The following HNRNPU variants were observed in gnomAD, a reference collection of about 807,000 sequenced individuals.
HNRNPU encodes the protein HNRNPU antisense RNA 1.
In HNRNPU, 5 loss-of-function variants were observed where a neutral mutation model predicts 94.7. The observed-to-expected ratio is 0.05, with a 90% confidence interval of 0.03 to 0.11. The LOEUF (loss-of-function observed/expected upper bound fraction) is 0.11. Among genes scored for constraint, HNRNPU ranks in the 10% least tolerant of loss-of-function variants. The pLI, the probability that HNRNPU is intolerant of heterozygous loss-of-function variation, is 1.00. For synonymous variants in HNRNPU, 434 were observed against 381.6 expected (o/e 1.14, Z -1.60); for missense variants, 710 against 1,049.2 (o/e 0.68, Z 4.47).
chr1:244,857,714 C>T lies in HNRNPU; in HGVS notation c.1498G>A (p.Val500Met). ...GPEEKKDCEV[V>M]MMIGLPGAGK... ...GCTCCTGGCAAGCCAATCATCATCA[C>T]AACCTAGTGAAAAGAAAAGAAATGT... Residue 500 changes from valine to methionine, a missense_variant, in exon 8 of 14, where the codon GTG (valine) becomes ATG (methionine). Coordinates refer to ENST00000640218, the MANE Select transcript of HNRNPU (RefSeq NM_031844.3). 2 of 1,612,884 alleles carry T rather than the reference C, an allele frequency of 1.2e-6. No individual in the cohort carries two copies. The highest frequency in any genetic ancestry group is 1.7e-6 in the Non-Finnish European group (2 of 1,179,638).
In HNRNPU at chr1:244,857,097, C is replaced by G. The variant is rs538115219; in HGVS notation, c.1615-241G>C. ...AAAACACTACGGAAAAAAACAGAAG[C>G]CTAGCCAGTGGAAGGCAGTTTACCC... On this transcript the variant is annotated intron_variant, in intron 8 of 13. Coordinates refer to ENST00000640218, the MANE Select transcript of HNRNPU (RefSeq NM_031844.3). The G allele has an allele frequency of 3.5e-4, 132 of 371,946 alleles. 1 individual carries two copies. The highest frequency in any genetic ancestry group is 2.5e-3 in the African/African-American group (118 of 47,434). 23.0% of individuals were successfully genotyped at this position (371,946 alleles called of 1,614,324 possible).
At position 244,855,615 on chromosome 1, in the gene HNRNPU, G is replaced by A. The variant is rs1283233224; in HGVS notation, c.2168-7C>T. On this transcript the variant is annotated splice_region_variant and splice_polypyrimidine_tract_variant and intron_variant, in intron 11 of 13. Coordinates refer to ENST00000640218, the MANE Select transcript of HNRNPU (RefSeq NM_031844.3). ...CCGCCACGATTCCCAGGGGCTAAAAGACAAGAGCTGTTTTAGTTTCATTGT... is the reference window on the plus strand; with the variant it reads ...CCGCCACGATTCCCAGGGGCTAAAAAACAAGAGCTGTTTTAGTTTCATTGT... The A allele has an allele frequency of 3.1e-6, 5 of 1,613,584 alleles. No individual in the cohort carries two copies. Among genetic ancestry groups the A allele is most frequent in the East Asian group, 4.5e-5 (2 of 44,874 alleles).
chr1:244,859,596 C>T (rs1331365361), intron 4 of HNRNPU: 1 of 340,764 alleles, frequency 2.9e-6, no homozygotes, highest in African/African-American at 2.1e-5. Context: ...TAAAAGAATA[C>T]TTAATATTTT....
Position 244,854,230 on chromosome 1 carries a change from T to G in HNRNPU, c.*220A>C. On this transcript the variant is annotated 3_prime_UTR_variant, in exon 14 of 14. Transcript: ENST00000640218. ...CCTGAAATACTGACACATTCTCTTA[T>G]CGTGCACAATGCTGAGGTTCTCTTA... is the stretch of plus-strand genomic sequence containing the variant. 2.0e-6 allele frequency: 1 copy of G among 494,018 alleles called. No individual in the cohort carries two copies. Among genetic ancestry groups the G allele is most frequent in the East Asian group, 3.7e-5 (1 of 27,042 alleles). 30.6% of individuals were successfully genotyped at this position (494,018 alleles called of 1,614,324 possible). A position where few individuals can be genotyped will look rare whatever the true frequency, so the allele number is the denominator to read the frequency against.
At chr1:244,862,210 A>G in intron 3 of HNRNPU, 1 of 386,930 alleles carries the variant, frequency 2.6e-6, no homozygotes, top group Non-Finnish European at 4.6e-6. Flanking sequence ...TTAATTTTAC[A>G]TTTCCTAAGA....
In HNRNPU at chr1:244,852,949, A is replaced by C. The variant is rs1414932484; in HGVS notation, c.*1501T>G. 1 of 152,600 alleles carries C rather than the reference A, an allele frequency of 6.6e-6. No individual in the cohort carries two copies. The highest frequency in any genetic ancestry group is 1.5e-5 in the Non-Finnish European group (1 of 67,996). 9.5% of individuals were successfully genotyped at this position (152,600 alleles called of 1,614,324 possible). A position where few individuals can be genotyped will look rare whatever the true frequency, so the allele number is the denominator to read the frequency against. On this transcript the variant is annotated 3_prime_UTR_variant, in exon 14 of 14. Transcript: ENST00000640218. ...AACCCAATATAATTACAATTAGGGG[A>C]TCTAATGTTATTACATAGCTACAGT...
chr1:244,862,921 T>C (rs917935355), intron 1 of HNRNPU, 191 bp from the exon 2 acceptor site: 1 of 604,846 alleles, frequency 1.7e-6, no homozygotes, highest in Non-Finnish European at 2.9e-6. Flanking sequence ...CTAAAGACAT[T>C]ACTAATTTTG....
intron 4 of HNRNPU, 168 bp from the exon 5 acceptor site, chr1:244,859,542 A>G (rs1180568560): frequency 6.8e-6 from 3 of 437,990 alleles, no homozygotes; most frequent in Non-Finnish European, 1.2e-5. Context: ...TGATGTGCTT[A>G]TAACTTGAAA....
intron 1 of HNRNPU, chr1:244,863,142 T>C (rs1680890158): frequency 7.1e-6 from 1 of 140,426 alleles, no homozygotes; most frequent in Admixed American, 9.9e-5. Context: ...CCGCCGGAAG[T>C]GACGTCACGC....
chr1:244,856,681 A>G (rs1680689024), intron 9 of HNRNPU, 47 bp downstream of exon 9: 3 of 1,605,430 alleles, frequency 1.9e-6, no homozygotes, highest in African/African-American at 1.3e-5. Flanking sequence ...ACACCAATCT[A>G]TCTAAATTAT....
At chr1:244,861,491 C>T (rs1680826553) in intron 3 of HNRNPU, 1 of 152,118 alleles carries the variant, frequency 6.6e-6, no homozygotes, top group African/African-American at 2.4e-5. Flanking sequence ...TAAAAAGGCT[C>T]AGATGACTAT....
At chr1:244,858,318 A>G in intron 6 of HNRNPU, 44 bp from the exon 7 acceptor site, 1 of 1,547,102 alleles carries the variant, frequency 6.5e-7, no homozygotes, top group South Asian at 1.2e-5. Context: ...CTGCTTCCTT[A>G]AACTTTCTAA....
chr1:244,858,662 TCTTTAA>T, intron 6 of HNRNPU, 61 bp downstream of exon 6: 1 of 827,382 alleles, frequency 1.2e-6, no homozygotes, highest in South Asian at 1.5e-5. Flanking sequence ...CAGTAAAGCT[TCTTTAA>T]AGTTCCTAGA....
In HNRNPU at chr1:244,862,724, C is replaced by T; in HGVS notation, c.698G>A (p.Gly233Asp). 2.5e-6 allele frequency: 4 copies of T among 1,613,080 alleles called. No homozygotes were observed. The highest frequency in any genetic ancestry group is 3.4e-6 in the Non-Finnish European group (4 of 1,179,062). ...GRPGAPAAGD[G>D]KTEQKGGDKK... ...ATCTCCGCCTTTCTGTTCTGTTTTGCCGTCCCCTAAAACACACACGAGCCC... is the reference window on the plus strand; with the variant it reads ...ATCTCCGCCTTTCTGTTCTGTTTTGTCGTCCCCTAAAACACACACGAGCCC... The change falls in exon 2 of 14, where the codon GGC becomes GAC. Residue 233 changes from glycine (G) to aspartate (D), a missense_variant. Physicochemically the swap from Gly to Asp is moderately conservative, Grantham distance 94. This residue lies in a region of HNRNPU where 292 missense variants were observed against 293.4 expected (regional missense o/e 1.00). Transcript: ENST00000640218.
At chr1:244,855,111 G>A in intron 12 of HNRNPU, 67 bp from the exon 13 acceptor site, 1 of 1,256,680 alleles carries the variant, frequency 8.0e-7, no homozygotes, top group Non-Finnish European at 1.2e-6. Flanking sequence ...GGGGGTGAGA[G>A]AGAGGAGCAG....
Position 244,863,768 on chromosome 1 carries a change from G to C in HNRNPU, c.540C>G (p.Ala180=). Residue 180 remains alanine, a synonymous_variant, in exon 1 of 14, where the codon GCC becomes GCG. Transcript: ENST00000640218. ...CGCTGCTCTTCCCCGCGGCCTCCTT[G>C]GCGGCCCCGCGCTGCTGTTGGGGCT... ...QQQPQQQRGA[A]KEAAGKSSGP... 1 of 1,590,538 alleles carries C rather than the reference G, an allele frequency of 6.3e-7. No individual in the cohort carries two copies. Among genetic ancestry groups the C allele is most frequent in the Non-Finnish European group, 8.5e-7 (1 of 1,171,538 alleles).
At chr1:244,861,925 A>G (rs995948294) in intron 3 of HNRNPU, 1 of 153,026 alleles carries the variant, frequency 6.5e-6, no homozygotes, top group Non-Finnish European at 1.5e-5. Flanking sequence ...CTGCTGCCTC[A>G]GGTCTTTGGA....
intron 1 of HNRNPU, chr1:244,863,114 CGCCCCGCCCG>C (rs1394153666): frequency 5.3e-6 from 1 of 189,430 alleles, no homozygotes; most frequent in Non-Finnish European, 1.1e-5. Flanking sequence ...CCCCCCGCCC[CGCCCCGCCCG>C]GCTCCTCCCG....
rs10927336 is a variant in HNRNPU at position 244,855,322 on chromosome 1, C to A, written c.2352+102G>T. The A allele has an allele frequency of 0.13, 142,938 of 1,141,942 alleles. 9,866 individuals carry two copies. The highest frequency in any genetic ancestry group is 0.26 in the Middle Eastern group (873 of 3,328). The allele number at this position is 1,141,942 out of a possible 1,614,324, so 70.7% of individuals were successfully genotyped here. A position where few individuals can be genotyped will look rare whatever the true frequency, so the allele number is the denominator to read the frequency against. On this transcript the variant is annotated intron_variant, in intron 12 of 13. Transcript: ENST00000640218. The stretch of plus-strand genomic sequence containing the variant: ...CAATTTTCCTTATGTCAATGCCTAT[C>A]ATGTTCCTTACGGATTACTAAGACA...
Sources: gnomAD v4.1 joint callset for allele counts on GRCh38, gnomAD v4.1.1 for gene constraint, gnomAD v4.1.1 regional missense constraint, MANE v1.5 for transcripts, NCBI Gene and HGNC (gene_info 2026-07-23, HGNC 2026-07-21) for gene names.